CHN1: variants seen among roughly 807,000 people sequenced by gnomAD.
CHN1 encodes N-chimaerin.
CHN1 carries 37 observed loss-of-function variants against 59.5 expected under a neutral mutation model. That is an observed-to-expected ratio of 0.62 (90% CI 0.48 to 0.82). The LOEUF is 0.82. Among genes scored for constraint, CHN1 ranks in the 40% least tolerant of loss-of-function variants. CHN1 has a pLI of 0.00. For missense variants in CHN1, 469 were observed against 571.0 expected (o/e 0.82, Z 1.82); for synonymous variants, 206 against 200.4 (o/e 1.03, Z -0.24).
At chr2:174,936,481 CTCAG>C (rs1689499305) in intron 3 of CHN1, among the ~76,000 whole-genome samples, 2 of 152,106 alleles carry the variant, frequency 1.3e-5, no homozygotes, top group East Asian at 1.9e-4. Context: ...CTTGTGTCTA[CTCAG>C]TCACTCTATA....
In CHN1 at chr2:174,824,508, A is replaced by G; in HGVS notation, c.638T>C (p.Phe213Ser). The change falls in exon 8 of 13, where the codon TTC becomes TCC. Residue 213 changes from phenylalanine (F) to serine (S), a missense_variant. Physicochemically the swap from Phe to Ser is radical, Grantham distance 155. Around this residue, in one of 5 missense-constraint regions of CHN1, gnomAD observed 81 missense variants for 71.7 expected, o/e 1.13. Transcript: ENST00000409900. ...EKIHNFKVHT[F>S]RGPHWCEYCA... The stretch of plus-strand genomic sequence containing the variant: ...GTATTCACACCAGTGTGGCCCTCTG[A>G]ATGTATGCACCTGAAAAAAAAAAAG... 1 of 1,598,418 alleles carries G rather than the reference A, an allele frequency of 6.3e-7. No individual in the cohort carries two copies. The highest frequency in any genetic ancestry group is 8.5e-7 in the Non-Finnish European group (1 of 1,172,856).
At chr2:174,957,250 C>T (rs1055995097) in intron 1 of CHN1, among the ~76,000 whole-genome samples, 3 of 152,018 alleles carry the variant, frequency 2.0e-5, no homozygotes, top group African/African-American at 7.2e-5. Flanking sequence ...ACAATAAAAT[C>T]CCACAAAAAT....
chr2:174,812,184 T>C (rs1026768335), intron 9 of CHN1, 125 bp downstream of exon 9: 1 of 665,962 alleles, frequency 1.5e-6, no homozygotes, highest in African/African-American at 1.8e-5. Context: ...TCATTTGACA[T>C]ATGAAACCAT....
At chr2:174,963,308 T>C (rs185976446) in intron 1 of CHN1, among the ~76,000 whole-genome samples, 1 of 152,272 alleles carries the variant, frequency 6.6e-6, no homozygotes, top group African/African-American at 2.4e-5. Context: ...CTGGCAAGAA[T>C]AGGTCTATAG....
chr2:174,985,396 G>A (rs939938715), intron 1 of CHN1, among the ~76,000 whole-genome samples: 4 of 151,966 alleles, frequency 2.6e-5, no homozygotes, highest in East Asian at 1.9e-4. Context: ...GATTCCTGTC[G>A]TCCTTCATTA....
At position 174,800,007 on chromosome 2, in the gene CHN1, A is replaced by AGAGG; in HGVS notation, c.*108_*109insCCTC. 1.9e-6 allele frequency: 2 copies of AGAGG among 1,046,186 alleles called. No individual in the cohort carries two copies. Among genetic ancestry groups the AGAGG allele is most frequent in the Non-Finnish European group, 2.9e-6 (2 of 699,280 alleles). 64.8% of individuals were successfully genotyped at this position (1,046,186 alleles called of 1,614,324 possible). A position where few individuals can be genotyped will look rare whatever the true frequency, so the allele number is the denominator to read the frequency against. On this transcript the variant is annotated 3_prime_UTR_variant, in exon 13 of 13. Coordinates refer to ENST00000409900, the MANE Select transcript of CHN1 (RefSeq NM_001822.7). Reference sequence around the variant, plus strand: ...AAAGTTCCTTCACTTTAATCTGGTTATATGCCCAAACCTCTAATCAAGAAA... The same window carrying AGAGG: ...AAAGTTCCTTCACTTTAATCTGGTTAGAGGTATGCCCAAACCTCTAATCAAGAAA...
Position 174,798,822 on chromosome 2 carries a change from C to T in CHN1, c.*1294G>A, listed in dbSNP as rs1162889687. On this transcript the variant is annotated 3_prime_UTR_variant, in exon 13 of 13. Coordinates refer to ENST00000409900, the MANE Select transcript of CHN1 (RefSeq NM_001822.7). ...TAATCTTCAAAGTTTGAACATGTGT[C>T]TTTTATTGTTAAAAATTTGAAAACA... Among the ~76,000 whole-genome samples, 1 of 152,204 alleles carries T rather than the reference C, an allele frequency of 6.6e-6. No individual in the cohort carries two copies. The highest frequency in any genetic ancestry group is 1.9e-4 in the East Asian group (1 of 5,192).
chr2:174,860,893 G>A (rs1558956366), intron 6 of CHN1, among the ~76,000 whole-genome samples: 3 of 151,922 alleles, frequency 2.0e-5, no homozygotes. Flanking sequence ...TGCTTTTAAA[G>A]CCCTCTGAAG....
chr2:174,959,607 G>C (rs942892985), intron 1 of CHN1, among the ~76,000 whole-genome samples: 10 of 152,174 alleles, frequency 6.6e-5, no homozygotes, highest in Admixed American at 5.2e-4. Flanking sequence ...TGTCACAGAA[G>C]ACACTCATAG....
At chr2:174,814,566 G>A (rs780491328) in intron 8 of CHN1, among the ~76,000 whole-genome samples, 2 of 152,170 alleles carry the variant, frequency 1.3e-5, no homozygotes, top group Non-Finnish European at 2.9e-5. Context: ...CCTCAGTTGT[G>A]TAAAATGGGA....
chr2:174,860,209 T>G (rs757638332), intron 6 of CHN1, among the ~76,000 whole-genome samples: 6 of 152,196 alleles, frequency 3.9e-5, no homozygotes, highest in Non-Finnish European at 8.8e-5. Flanking sequence ...TAAACTGTTT[T>G]TAGAAATAGC....
intron 7 of CHN1, among the ~76,000 whole-genome samples, chr2:174,833,947 A>G (rs1685973048): frequency 6.6e-6 from 1 of 152,096 alleles, no homozygotes; most frequent in Non-Finnish European, 1.5e-5. Context: ...ATGTGCCACC[A>G]CACCCAGCTA....
At position 174,999,424 on chromosome 2, in the gene CHN1, C is replaced by T. The variant is rs79826217; in HGVS notation, c.19+5470G>A. Among the ~76,000 whole-genome samples the T allele has an allele frequency of 8.1e-4, 123 of 152,244 alleles. 2 individuals are homozygous for T. In the East Asian group the frequency reaches 0.02, roughly 25 times the overall value. ...TCTTTATCAGAGGGACTTGGAGAAA[C>T]GCTACACCCTCACCAGCCCCAGCAA... On this transcript the variant is annotated intron_variant, in intron 1 of 12. Transcript: ENST00000409900.
intron 5 of CHN1, among the ~76,000 whole-genome samples, chr2:174,898,436 C>A (rs1688284794): frequency 8.9e-6 from 1 of 111,872 alleles, no homozygotes; most frequent in African/African-American, 3.8e-5. Flanking sequence ...CCCGTCTCTA[C>A]TGAAAAAAAA....
intron 2 of CHN1, among the ~76,000 whole-genome samples, chr2:174,947,172 T>A (rs1371749875): frequency 1.3e-5 from 2 of 152,160 alleles, no homozygotes; most frequent in African/African-American, 4.8e-5. Context: ...TATCTGGTTA[T>A]CAGCAGTAAG....
chr2:174,874,293 C>T (rs966572115), intron 6 of CHN1, among the ~76,000 whole-genome samples: 16 of 152,188 alleles, frequency 1.1e-4, no homozygotes, highest in Non-Finnish European at 2.2e-4. Context: ...AAGTTGGGCT[C>T]TTGGCCAGTC....
chr2:175,005,166 G>A lies in CHN1; in HGVS notation c.-254C>T. 7.8e-7 allele frequency: 1 copy of A among 1,280,444 alleles called. No individual in the cohort carries two copies. 79.3% of individuals were successfully genotyped at this position (1,280,444 alleles called of 1,614,324 possible). ...AGCTCTCCGCGAGCCGGCACTTGTCGCTGCCATCAGGCGCGGAGCGTGCGC... is the reference window on the plus strand; with the variant it reads ...AGCTCTCCGCGAGCCGGCACTTGTCACTGCCATCAGGCGCGGAGCGTGCGC... On this transcript the variant is annotated 5_prime_UTR_variant, in exon 1 of 13. Transcript: ENST00000409900.
chr2:174,992,277 G>C (rs1303679548), intron 1 of CHN1, among the ~76,000 whole-genome samples: 1 of 152,228 alleles, frequency 6.6e-6, no homozygotes, highest in African/African-American at 2.4e-5. Flanking sequence ...AATCCAGATA[G>C]AGCTGTGGAG....
chr2:174,980,316 C>T (rs1691102289), intron 1 of CHN1, among the ~76,000 whole-genome samples: 1 of 152,132 alleles, frequency 6.6e-6, no homozygotes, highest in South Asian at 2.1e-4. Context: ...AAAAACTCCA[C>T]AAACCCCCAC....
Sources: allele counts gnomAD v4.1 joint callset (sites outside exome capture counted in the v4.1 genomes callset), GRCh38; gene constraint gnomAD v4.1.1; regional missense constraint gnomAD v4.1.1; transcripts MANE v1.5; gene names NCBI Gene and HGNC (gene_info 2026-07-23, HGNC 2026-07-21).